NF2: variants seen among roughly 807,000 people sequenced by gnomAD.
NF2 encodes merlin.
A neutral mutation model predicts 83.7 loss-of-function variants in NF2; 8 were observed. The observed-to-expected ratio is 0.10, with a 90% CI of 0.06 to 0.17. The LOEUF (loss-of-function observed/expected upper bound fraction) is 0.17, where lower values mean the gene tolerates loss of function less well. Among genes scored for constraint, NF2 ranks in the 10% least tolerant of loss-of-function variants. NF2 has a pLI of 1.00. For synonymous variants in NF2, 266 were observed against 269.6 expected, an observed-to-expected ratio of 0.99 and a Z score of 0.13; for missense variants, 533 against 744.4, an observed-to-expected ratio of 0.72 and a Z score of 3.31.
intron 3 of NF2, among the ~76,000 whole-genome samples, chr22:29,641,184 C>A (rs990732422): frequency 2.0e-5 from 3 of 152,124 alleles, no homozygotes; most frequent in African/African-American, 7.2e-5. Flanking sequence ...CTTTTTCCCC[C>A]CTCTCTTTGG....
chr22:29,607,959 G>A (rs2064842321), intron 1 of NF2, among the ~76,000 whole-genome samples: 1 of 151,668 alleles, frequency 6.6e-6, no homozygotes, highest in East Asian at 2.0e-4. Context: ...GATCACCTGA[G>A]GTCGGGAGTT....
At position 29,694,709 on chromosome 22, in the gene NF2, G is replaced by A. The variant is rs747601182; in HGVS notation, c.1738-43G>A. On this transcript the variant is annotated intron_variant, in intron 15 of 15. Transcript: ENST00000338641. The surrounding 1 kb of genome is among the most constrained non-coding windows in gnomAD (Gnocchi z 4.1). Reference sequence around the variant, plus strand: ...AGGACAGGACCCTGTGTGACAGAGCGGAGGTCTTGTGCCCTCTCAGCTTCT... The same window carrying A: ...AGGACAGGACCCTGTGTGACAGAGCAGAGGTCTTGTGCCCTCTCAGCTTCT... 33 of 1,605,150 alleles carry A rather than the reference G, an allele frequency of 2.1e-5. No individual in the cohort carries two copies. Among genetic ancestry groups the A allele is most frequent in the African/African-American group, 6.7e-5 (5 of 74,806 alleles).
intron 1 of NF2, among the ~76,000 whole-genome samples, chr22:29,610,731 A>G (rs1298582290): frequency 1.3e-5 from 2 of 152,120 alleles, no homozygotes; most frequent in South Asian, 2.1e-4. Context: ...ACTGAATTCT[A>G]TCAAACATTT....
rs2064880070 is a variant in NF2 at position 29,609,041 on chromosome 22, A to C, written c.114+4929A>C. On this transcript the variant is annotated intron_variant, in intron 1 of 15. Transcript: ENST00000338641. ...GATGAACATGCATGTGATGGTGTCC[A>C]AGCCAGAACAGTGGGTAAAGCCAAT... 3 of 717,984 alleles carry C rather than the reference A, an allele frequency of 4.2e-6. No individual in the cohort carries two copies. In the South Asian group the frequency reaches 4.4e-5, roughly 11 times the overall value. The allele number at this position is 717,984 out of a possible 1,614,324, so 44.5% of individuals were successfully genotyped here. A position where few individuals can be genotyped will look rare whatever the true frequency, so the allele number is the denominator to read the frequency against.
intron 15 of NF2, among the ~76,000 whole-genome samples, chr22:29,689,313 A>T (rs955404281): frequency 2.1e-4 from 32 of 151,786 alleles, no homozygotes; most frequent in African/African-American, 6.3e-4. Context: ...CAAACCAAAG[A>T]TTCTTTTGGA....
At chr22:29,654,964 T>G (rs1222535486) in intron 5 of NF2, among the ~76,000 whole-genome samples, 2 of 152,290 alleles carry the variant, frequency 1.3e-5, no homozygotes, top group East Asian at 1.9e-4. Flanking sequence ...CTAGCGTGGT[T>G]GTTTTTTCAG....
intron 4 of NF2, among the ~76,000 whole-genome samples, chr22:29,646,203 G>C (rs1333932481): frequency 6.6e-6 from 1 of 152,176 alleles, no homozygotes; most frequent in Non-Finnish European, 1.5e-5. Context: ...CTCAGAAAGG[G>C]ATTTGTGACT....
rs1364568238 is a variant in NF2, at chr22:29,696,092, G to T, written c.*1290G>T. The stretch of plus-strand genomic sequence containing the variant: ...TTTTTTTTTTTTTTTTTTTTTTTCC[G>T]AGATGGAGTCTCTCTCTGTCACCCA... On this transcript the variant is annotated 3_prime_UTR_variant, in exon 16 of 16. Coordinates refer to ENST00000338641, the MANE Select transcript of NF2 (RefSeq NM_000268.4). 5.7e-6 allele frequency: 1 copy of T among 175,730 alleles called. No homozygotes were observed. Among genetic ancestry groups the T allele is most frequent in the Non-Finnish European group, 1.1e-5 (1 of 94,498 alleles). 10.9% of individuals were successfully genotyped at this position (175,730 alleles called of 1,614,324 possible).
At chr22:29,638,249 C>T (rs1020202350) in intron 2 of NF2, among the ~76,000 whole-genome samples, 4 of 151,860 alleles carry the variant, frequency 2.6e-5, no homozygotes, top group Admixed American at 6.6e-5. Flanking sequence ...TCTGGAGGTT[C>T]CTTGAAACAA....
At chr22:29,657,126 C>T (rs2066335606) in intron 6 of NF2, among the ~76,000 whole-genome samples, 2 of 151,862 alleles carry the variant, frequency 1.3e-5, no homozygotes, top group African/African-American at 2.4e-5. Context: ...GAAGAAATAA[C>T]CTGTGTCTCC....
chr22:29,668,129 A>T (rs542050109), intron 9 of NF2, among the ~76,000 whole-genome samples: 3 of 152,088 alleles, frequency 2.0e-5, no homozygotes. Flanking sequence ...ACCTCCTGGC[A>T]TATCTGAGGC....
In NF2 at chr22:29,642,376, C is replaced by T. The variant is rs796314332; in HGVS notation, c.447+91C>T. The T allele has an allele frequency of 1.6e-5, 17 of 1,031,668 alleles. No homozygotes were observed. The African/African-American group carries it at 2.2e-4, about 13-fold the overall frequency. The allele number at this position is 1,031,668 out of a possible 1,614,324, so 63.9% of individuals were successfully genotyped here. A position where few individuals can be genotyped will look rare whatever the true frequency, so the allele number is the denominator to read the frequency against. ...CTTCTCTTTCTTTGGGTTTTCTGTA[C>T]TTCAGAGAGACTTGCCCCAGAAAGT... On this transcript the variant is annotated intron_variant, in intron 4 of 15. Transcript: ENST00000338641.
chr22:29,679,373 C>T (rs1730835181), intron 14 of NF2, among the ~76,000 whole-genome samples: 1 of 152,196 alleles, frequency 6.6e-6, no homozygotes, highest in Admixed American at 6.5e-5. Context: ...AGCCAATGAA[C>T]CAGAGCCTCT....
chr22:29,654,220 A>G (rs1293627342), intron 4 of NF2, among the ~76,000 whole-genome samples: 1 of 152,218 alleles, frequency 6.6e-6, no homozygotes, highest in East Asian at 1.9e-4. Flanking sequence ...TACTGCCTGC[A>G]TTATTCCTGG....
chr22:29,608,999 T>C, intron 1 of NF2: 2 of 666,672 alleles, frequency 3.0e-6, no homozygotes, highest in South Asian at 1.6e-5. Context: ...GTCGATTATC[T>C]CCACCGGAAT....
At chr22:29,678,664 T>C (rs969580854) in intron 14 of NF2, among the ~76,000 whole-genome samples, 10 of 152,370 alleles carry the variant, frequency 6.6e-5, no homozygotes, top group African/African-American at 1.9e-4. Context: ...GTTATACTAC[T>C]GGACTGTAGT....
intron 4 of NF2, 24 bp from the exon 5 acceptor site, chr22:29,654,633 C>A (rs1397358247): frequency 6.2e-7 from 1 of 1,609,064 alleles, no homozygotes; most frequent in Non-Finnish European, 8.5e-7. Context: ...TCTCAATCGC[C>A]TGCTCTCCCT....
intron 3 of NF2, 94 bp downstream of exon 3, chr22:29,639,306 T>C (rs2065737242): frequency 1.3e-6 from 2 of 1,486,982 alleles, no homozygotes; most frequent in East Asian, 2.3e-5. Context: ...CACCTTTGTA[T>C]TGCAAAAATA....
Position 29,696,496 on chromosome 22 carries a change from T to C in NF2, c.*1694T>C, listed in dbSNP as rs1244932331. 1.4e-5 allele frequency: 3 copies of C among 219,654 alleles called. No individual in the cohort carries two copies. Among genetic ancestry groups the C allele is most frequent in the African/African-American group, 6.7e-5 (3 of 44,530 alleles). 13.6% of individuals were successfully genotyped at this position (219,654 alleles called of 1,614,324 possible). ...CCTCAAGATTTTTGGAGAGCAGAGG[T>C]GGTCTCTGGCAATTCCATCTGGTTT... On this transcript the variant is annotated 3_prime_UTR_variant, in exon 16 of 16. Transcript: ENST00000338641.
Sources: gnomAD v4.1 joint callset for allele counts (sites outside exome capture counted in the v4.1 genomes callset) on GRCh38, gnomAD v4.1.1 for gene constraint, Gnocchi (gnomAD v3.1) non-coding constraint, MANE v1.5 for transcripts, NCBI Gene and HGNC (gene_info 2026-07-23, HGNC 2026-07-21) for gene names.